Variants in DYSF observed in about 807,000 individuals in gnomAD.
The protein encoded by DYSF is dystrophy-associated fer-1-like 1.
DYSF carries 212 observed loss-of-function variants against 274.9 expected under a neutral mutation model. The observed-to-expected ratio is 0.77, with a 90% CI of 0.69 to 0.86. The LOEUF (loss-of-function observed/expected upper bound fraction) is 0.86, where lower values mean the gene tolerates loss of function less well. DYSF is among the 40% of genes least tolerant of loss of function. The pLI, the probability that DYSF is intolerant of heterozygous loss-of-function variation, is 0.00. For missense variants in DYSF, 2,666 were observed against 2,783.2 expected, an observed-to-expected ratio of 0.96 and a Z score of 0.95; for synonymous variants, 1,091 against 1,078.7, an observed-to-expected ratio of 1.01 and a Z score of -0.22.
intron 30 of DYSF, among the ~76,000 whole-genome samples, chr2:71,581,812 A>G (rs1387524101): frequency 6.6e-6 from 1 of 152,190 alleles, no homozygotes; most frequent in Non-Finnish European, 1.5e-5. Context: ...TCAGCAAACT[A>G]TGCCCCACAG....
At chr2:71,654,405 A>G (rs1421659437) in intron 42 of DYSF, among the ~76,000 whole-genome samples, 2 of 152,198 alleles carry the variant, frequency 1.3e-5, no homozygotes, top group Non-Finnish European at 2.9e-5. Context: ...CTGGGAGCTT[A>G]TAATAAAGAT....
At chr2:71,619,511 G>C (rs2094039649) in intron 40 of DYSF, among the ~76,000 whole-genome samples, 1 of 152,154 alleles carries the variant, frequency 6.6e-6, no homozygotes, top group Non-Finnish European at 1.5e-5. Flanking sequence ...GTGTCTTCCA[G>C]GATCTTCCTG....
At chr2:71,566,353 C>CAAAAAAAAAAA (rs773800974) in intron 24 of DYSF, among the ~76,000 whole-genome samples, 1 of 49,814 alleles carries the variant, frequency 2.0e-5, no homozygotes. Flanking sequence ...TGGTTTCAAG[C>CAAAAAAAAAAA]AAAAAAAAAA....
intron 14 of DYSF, among the ~76,000 whole-genome samples, chr2:71,532,968 T>G (rs1252396649): frequency 6.6e-6 from 1 of 152,174 alleles, no homozygotes; most frequent in Non-Finnish European, 1.5e-5. Flanking sequence ...TTAGTTTCTT[T>G]TATATTATTC....
intron 35 of DYSF, among the ~76,000 whole-genome samples, chr2:71,601,821 G>C (rs188502894): frequency 2.0e-5 from 3 of 152,138 alleles, no homozygotes; most frequent in African/African-American, 7.2e-5. Flanking sequence ...TAGAATCTCC[G>C]GGACAGCACT....
At chr2:71,601,928 C>A (rs899661263) in intron 35 of DYSF, among the ~76,000 whole-genome samples, 1 of 152,234 alleles carries the variant, frequency 6.6e-6, no homozygotes, top group South Asian at 2.1e-4. Flanking sequence ...ACTTCAAGCC[C>A]ACTGAAGCAA....
chr2:71,590,667 C>T (rs2093236604), intron 32 of DYSF, among the ~76,000 whole-genome samples: 1 of 152,206 alleles, frequency 6.6e-6, no homozygotes, highest in Non-Finnish European at 1.5e-5. Flanking sequence ...GGTCCCCCAA[C>T]TTCTCCACCT....
intron 40 of DYSF, among the ~76,000 whole-genome samples, chr2:71,619,118 G>A (rs572316131): frequency 2.8e-4 from 42 of 152,146 alleles, no homozygotes; most frequent in African/African-American, 9.6e-4. Context: ...GTGAACTGCC[G>A]GTTTCCCTCT....
chr2:71,464,256 C>T (rs1372887204), upstream of DYSF, among the ~76,000 whole-genome samples: 3 of 152,218 alleles, frequency 2.0e-5, no homozygotes, highest in African/African-American at 4.8e-5. Context: ...TTTATGGAGA[C>T]CATGCTTTGC....
At chr2:71,534,941 C>A in intron 14 of DYSF, 80 bp from the exon 15 acceptor site, 1 of 1,476,186 alleles carries the variant, frequency 6.8e-7, no homozygotes, top group South Asian at 1.1e-5. Flanking sequence ...AGAGAATGGT[C>A]ACTGGCTGGC....
chr2:71,517,927 A>T (rs1021025671), intron 10 of DYSF, among the ~76,000 whole-genome samples: 3 of 152,136 alleles, frequency 2.0e-5, no homozygotes, highest in Admixed American at 6.5e-5. Context: ...CTTATTTGTA[A>T]TTTGGATTTT....
rs1192030517 is a variant in DYSF at position 71,493,871 on chromosome 2, AAAAG to A, written c.240-9331_240-9328del. The stretch of plus-strand genomic sequence containing the variant: ...TGTCTCAAAAAAAAAAAAAAAAAAA[AAAAG>A]AAAGAAAGAAACACAAAGGTTTTTT... On this transcript the variant is annotated intron_variant, in intron 3 of 55. Coordinates refer to ENST00000410020, the MANE Select transcript of DYSF (RefSeq NM_001130987.2). Among the ~76,000 whole-genome samples, 336 of 133,470 alleles carry A rather than the reference AAAAG, an allele frequency of 2.5e-3. 5 individuals are homozygous for A. The highest frequency in any genetic ancestry group is 7.2e-3 in the Middle Eastern group (2 of 278). The allele number at this position is 133,470 out of a possible 152,430, so 87.6% of individuals were successfully genotyped here.
At chr2:71,467,160 T>G (rs980231354) in intron 1 of DYSF, among the ~76,000 whole-genome samples, 1 of 152,170 alleles carries the variant, frequency 6.6e-6, no homozygotes, top group African/African-American at 2.4e-5. Context: ...AAAGCGAAAG[T>G]GCCGTAGGTC....
chr2:71,638,405 A>G (rs1035688375), intron 41 of DYSF, among the ~76,000 whole-genome samples: 2 of 152,026 alleles, frequency 1.3e-5, no homozygotes, highest in Non-Finnish European at 2.9e-5. Context: ...ATTCCTCACA[A>G]TAACTGTCAA....
chr2:71,617,360 G>C (rs2093907577), intron 40 of DYSF, among the ~76,000 whole-genome samples: 1 of 152,182 alleles, frequency 6.6e-6, no homozygotes, highest in Non-Finnish European at 1.5e-5. Flanking sequence ...CAAACTCTTG[G>C]AGTCTCCTGG....
intron 29 of DYSF, among the ~76,000 whole-genome samples, chr2:71,571,926 C>A (rs2092498486): frequency 6.9e-6 from 1 of 145,090 alleles, no homozygotes; most frequent in Admixed American, 6.9e-5. Flanking sequence ...CCAGCACATG[C>A]ACAGATCACA....
At position 71,669,617 on chromosome 2, in the gene DYSF, C is replaced by T. The variant is rs1237109693; in HGVS notation, c.5655C>T (p.Gly1885=). The change falls in exon 51 of 56, where the codon GGC becomes GGT. Residue 1885 remains glycine (G), a synonymous_variant. Coordinates refer to ENST00000410020, the MANE Select transcript of DYSF (RefSeq NM_001130987.2). ...CATGTATGTCTAGTTGGATGATTGGCTTTGAAGAACACAAGCAAAAGACAG... is the reference window on the plus strand; with the variant it reads ...CATGTATGTCTAGTTGGATGATTGGTTTTGAAGAACACAAGCAAAAGACAG... The part of the protein sequence containing the change: ...SDIYVKGWMI[G]FEEHKQKTDV... 3.1e-6 allele frequency: 5 copies of T among 1,614,064 alleles called. No homozygotes were observed. In the South Asian group the frequency reaches 5.5e-5, roughly 18 times the overall value.
upstream of DYSF, chr2:71,466,607 C>G (rs1366557924): frequency 3.3e-6 from 4 of 1,223,126 alleles, no homozygotes; most frequent in Non-Finnish European, 4.1e-6. Context: ...CCGCCCGCCG[C>G]GGGCAGGGCG....
rs2093752592 is a variant in DYSF at position 71,611,238 on chromosome 2, A to C, written c.3958-7A>C. Reference sequence around the variant, plus strand: ...TTTGTCTCCATTCTACCTGCTGTCCACTGCAGTCTGAGGACACAGACCTGC... The same window carrying C: ...TTTGTCTCCATTCTACCTGCTGTCCCCTGCAGTCTGAGGACACAGACCTGC... On this transcript the variant is annotated splice_polypyrimidine_tract_variant and splice_region_variant and intron_variant, in intron 36 of 55. Transcript: ENST00000410020. 7 of 1,601,606 alleles carry C rather than the reference A, an allele frequency of 4.4e-6. No individual in the cohort carries two copies. Among genetic ancestry groups the C allele is most frequent in the Non-Finnish European group, 6.0e-6 (7 of 1,168,916 alleles).
Sources: allele counts gnomAD v4.1 joint callset (sites outside exome capture counted in the v4.1 genomes callset), GRCh38; gene constraint gnomAD v4.1.1; transcripts MANE v1.5; gene names NCBI Gene and HGNC (gene_info 2026-07-23, HGNC 2026-07-21).